The following AGBL4 variants were observed in gnomAD, a reference collection of about 807,000 sequenced individuals.
The protein encoded by AGBL4 is AGBL carboxypeptidase 4, also known as cytosolic carboxypeptidase 6.
Under a neutral mutation model 66.4 loss-of-function variants are expected in AGBL4, and 58 were observed. The ratio of observed to expected loss-of-function variants is 0.87; its 90% CI spans 0.71 to 1.09. The LOEUF (loss-of-function observed/expected upper bound fraction) is 1.09, where lower values mean the gene tolerates loss of function less well. AGBL4 is among the 50% of genes least tolerant of loss of function. The pLI is 0.00. For synonymous variants in AGBL4, 234 were observed against 222.9 expected, an observed-to-expected ratio of 1.05 and a Z score of -0.44; for missense variants, 579 against 631.0, an observed-to-expected ratio of 0.92 and a Z score of 0.88.
chr1:49,627,758 C>G (rs911436228), intron 3 of AGBL4, among the ~76,000 whole-genome samples: 7 of 152,168 alleles, frequency 4.6e-5, no homozygotes, highest in African/African-American at 1.7e-4. Flanking sequence ...CCTCCTTCAC[C>G]TGGTCATATA....
intron 8 of AGBL4, among the ~76,000 whole-genome samples, chr1:48,645,977 C>T (rs964491544): frequency 6.6e-6 from 1 of 152,106 alleles, no homozygotes; most frequent in African/African-American, 2.4e-5. Context: ...AGGGTGGGAA[C>T]ACATGATCTT....
chr1:48,749,267 C>T (rs1221531830), intron 6 of AGBL4, among the ~76,000 whole-genome samples: 2 of 152,176 alleles, frequency 1.3e-5, no homozygotes, highest in Non-Finnish European at 2.9e-5. Flanking sequence ...TTTCAGCCCA[C>T]TGTCACGTGA....
At chr1:48,990,554 G>T (rs1457177709) in intron 5 of AGBL4, among the ~76,000 whole-genome samples, 2 of 151,964 alleles carry the variant, frequency 1.3e-5, no homozygotes, top group African/African-American at 4.8e-5. Context: ...ACTTAAATTT[G>T]ATTTTTTTGT....
intron 8 of AGBL4, among the ~76,000 whole-genome samples, chr1:48,638,187 T>C (rs1645698253): frequency 1.3e-5 from 2 of 152,256 alleles, no homozygotes; most frequent in South Asian, 4.1e-4. Context: ...AATTCTTCTT[T>C]CCTTTTTAGC....
intron 4 of AGBL4, among the ~76,000 whole-genome samples, chr1:49,102,466 A>C (rs1225658988): frequency 6.6e-6 from 1 of 152,164 alleles, no homozygotes; most frequent in Non-Finnish European, 1.5e-5. Context: ...GGAAGACCAG[A>C]GCTGTTTTAC....
intron 3 of AGBL4, among the ~76,000 whole-genome samples, chr1:49,562,523 T>A (rs1196470208): frequency 6.6e-6 from 1 of 152,088 alleles, no homozygotes; most frequent in Non-Finnish European, 1.5e-5. Context: ...AGCTTTCTGC[T>A]TATGGCTAGC....
chr1:49,223,186 G>A (rs1649633158), intron 4 of AGBL4, among the ~76,000 whole-genome samples: 2 of 152,106 alleles, frequency 1.3e-5, no homozygotes, highest in African/African-American at 2.4e-5. Context: ...AGGTTTTAAG[G>A]TTGAGCCTTT....
chr1:48,930,462 T>A (rs1654945474), intron 5 of AGBL4, among the ~76,000 whole-genome samples: 1 of 152,124 alleles, frequency 6.6e-6, no homozygotes, highest in Non-Finnish European at 1.5e-5. Flanking sequence ...TTTGCCACCA[T>A]AAAGCTGCAC....
At chr1:48,927,870 T>C (rs976686298) in intron 5 of AGBL4, among the ~76,000 whole-genome samples, 6 of 152,240 alleles carry the variant, frequency 3.9e-5, no homozygotes, top group Admixed American at 2.6e-4. Context: ...CTCCAGGTAC[T>C]CTTGTGTCTG....
chr1:48,783,824 C>A (rs1645352381), intron 6 of AGBL4, among the ~76,000 whole-genome samples: 1 of 152,038 alleles, frequency 6.6e-6, no homozygotes, highest in Non-Finnish European at 1.5e-5. Flanking sequence ...AAGTTGAGCA[C>A]CTCTGAGTTA....
intron 3 of AGBL4, among the ~76,000 whole-genome samples, chr1:49,441,653 C>A (rs1197417241): frequency 6.6e-6 from 1 of 152,176 alleles, no homozygotes; most frequent in Non-Finnish European, 1.5e-5. Context: ...AATTTCTCTT[C>A]TCTGTATGTC....
At chr1:48,749,574 C>T (rs1307296663) in intron 6 of AGBL4, among the ~76,000 whole-genome samples, 2 of 152,190 alleles carry the variant, frequency 1.3e-5, no homozygotes, top group Non-Finnish European at 2.9e-5. Flanking sequence ...ACTGTACTTT[C>T]CAGAGCTTCT....
intron 2 of AGBL4, among the ~76,000 whole-genome samples, chr1:49,713,356 C>T (rs562098708): frequency 2.0e-5 from 3 of 152,120 alleles, no homozygotes; most frequent in South Asian, 2.1e-4. Context: ...TTCCACGGCA[C>T]CTTTTCTCAT....
At chr1:49,616,379 C>G (rs1645250044) in intron 3 of AGBL4, among the ~76,000 whole-genome samples, 1 of 152,118 alleles carries the variant, frequency 6.6e-6, no homozygotes, top group African/African-American at 2.4e-5. Context: ...CTATATTATA[C>G]TGTTCTGGTT....
rs145264600 is a variant in AGBL4, at chr1:48,949,890, G to T, written c.595-82660C>A. ...ATTACTGAATTGAAACTGTGTTTCT[G>T]TTTACCTAAACAGGAAATTCTCATC... On this transcript the variant is annotated intron_variant, in intron 5 of 13. Transcript: ENST00000371839. 3.7e-4 allele frequency among the ~76,000 whole-genome samples: 57 copies of T among 152,242 alleles called. 1 individual carries two copies. The East Asian group carries it at 0.011, about 28-fold the overall frequency.
rs549012092 is a variant in AGBL4, at chr1:49,237,140, G to C, written c.377+8630C>G. On this transcript the variant is annotated intron_variant, in intron 4 of 13. Transcript: ENST00000371839. ...TAGCTGGACATGGTGGCAGGCGCCT[G>C]TAGTCCCAGCTACTTGGGAGGCTGA... is the stretch of plus-strand genomic sequence containing the variant. Among the ~76,000 whole-genome samples, 241 of 151,948 alleles carry C rather than the reference G, an allele frequency of 1.6e-3. 4 individuals are homozygous for C. The highest frequency in any genetic ancestry group is 5.6e-3 in the African/African-American group (233 of 41,440).
At chr1:49,729,253 G>A (rs939242805) in intron 2 of AGBL4, among the ~76,000 whole-genome samples, 14 of 152,100 alleles carry the variant, frequency 9.2e-5, no homozygotes, top group African/African-American at 3.4e-4. Context: ...TAAAAATCTT[G>A]ACAAGTAAGC....
intron 3 of AGBL4, among the ~76,000 whole-genome samples, chr1:49,510,196 C>A (rs1570911609): frequency 1.3e-5 from 2 of 151,990 alleles, no homozygotes; most frequent in East Asian, 3.9e-4. Context: ...TACAGTCCCA[C>A]CAACAGTGTA....
At position 49,498,175 on chromosome 1, in the gene AGBL4, C is replaced by T. The variant is rs528216249; in HGVS notation, c.282+199138G>A. 1.3e-4 allele frequency among the ~76,000 whole-genome samples: 20 copies of T among 151,710 alleles called. 2 individuals carry two copies. The highest frequency in any genetic ancestry group is 4.3e-4 in the African/African-American group (18 of 41,466). ...TTCTTGATTTATTTTTTGGATAGTT[C>T]ATTAGTAAGTGTGTAGAAACTACTG... On this transcript the variant is annotated intron_variant, in intron 3 of 13. Transcript: ENST00000371839.
Sources: gnomAD v4.1 joint callset for allele counts (sites outside exome capture counted in the v4.1 genomes callset) on GRCh38, gnomAD v4.1.1 for gene constraint, MANE v1.5 for transcripts, NCBI Gene and HGNC (gene_info 2026-07-23, HGNC 2026-07-21) for gene names.